Variants in GFRAL observed in about 807,000 individuals in gnomAD.
GFRAL encodes the protein GDNF family receptor alpha-like.
Under a neutral mutation model 45.4 loss-of-function variants are expected in GFRAL, and 36 were observed. The observed-to-expected ratio is 0.79, with a 90% CI of 0.61 to 1.05. The LOEUF is 1.05. GFRAL is among the 50% of genes least tolerant of loss of function. The pLI, the probability that GFRAL is intolerant of heterozygous loss-of-function variation, is 0.00. For missense variants in GFRAL, 507 were observed against 467.5 expected (o/e 1.08, Z -0.78); for synonymous variants, 166 against 154.1 (o/e 1.08, Z -0.57).
chr6:55,350,124 C>T lies in GFRAL; in HGVS notation c.349C>T (p.Leu117=). The T allele has an allele frequency of 6.5e-7, 1 of 1,537,512 alleles. No homozygotes were observed. The highest frequency in any genetic ancestry group is 9.0e-7 in the Non-Finnish European group (1 of 1,111,678). Residue 117 remains leucine (L), a synonymous_variant, in exon 4 of 9, where the codon CTA becomes TTA. Transcript: ENST00000340465. ...GAAAGAGGATAAATTCAAATGGAAT[C>T]TAACTACACGTTCCCATCATGGTAA... ...NVKEDKFKWN[L]TTRSHHGFKG...
At chr6:55,340,252 G>A (rs1012588049) in intron 3 of GFRAL, among the ~76,000 whole-genome samples, 1 of 152,074 alleles carries the variant, frequency 6.6e-6, no homozygotes, top group Admixed American at 6.5e-5. Flanking sequence ...CAACAAAATG[G>A]TTTTCTCTCC....
intron 6 of GFRAL, among the ~76,000 whole-genome samples, chr6:55,377,231 A>G (rs1006555084): frequency 2.0e-5 from 3 of 152,024 alleles, no homozygotes; most frequent in Non-Finnish European, 4.4e-5. Context: ...CCTGACTGCT[A>G]AGACAATTCT....
chr6:55,401,655 T>A, intron 8 of GFRAL, 135 bp from the exon 9 acceptor site: 1 of 656,406 alleles, frequency 1.5e-6, no homozygotes. Flanking sequence ...ATTTTACTAT[T>A]GGGACTTTAC....
chr6:55,379,761 T>G (rs1768582611), intron 6 of GFRAL, among the ~76,000 whole-genome samples: 1 of 151,902 alleles, frequency 6.6e-6, no homozygotes, highest in African/African-American at 2.4e-5. Context: ...TCTCCTGAAT[T>G]TTTTCTTCCT....
intron 6 of GFRAL, among the ~76,000 whole-genome samples, chr6:55,391,009 T>TA (rs202029722): frequency 3.9e-5 from 6 of 152,028 alleles, no homozygotes; most frequent in African/African-American, 7.2e-5. Flanking sequence ...TGAATCTTTA[T>TA]AAAAAAATAT....
At chr6:55,333,470 A>C (rs972148786) in intron 2 of GFRAL, among the ~76,000 whole-genome samples, 1 of 152,180 alleles carries the variant, frequency 6.6e-6, no homozygotes, top group Admixed American at 6.5e-5. Context: ...CAAAATGCTA[A>C]GATTAGAGAG....
intron 3 of GFRAL, among the ~76,000 whole-genome samples, chr6:55,344,174 C>G (rs950812622): frequency 6.6e-6 from 1 of 151,986 alleles, no homozygotes; most frequent in Non-Finnish European, 1.5e-5. Context: ...GGGAATGCTC[C>G]CTAACTCATT....
chr6:55,379,598 A>AC (rs1562062025), intron 6 of GFRAL, among the ~76,000 whole-genome samples: 43 of 47,566 alleles, frequency 9.0e-4, no homozygotes, highest in South Asian at 5.0e-3. Flanking sequence ...CACACACACA[A>AC]ACTGTGGAAT....
chr6:55,378,938 G>A (rs140261697), intron 6 of GFRAL, among the ~76,000 whole-genome samples: 64 of 151,962 alleles, frequency 4.2e-4, no homozygotes, highest in African/African-American at 1.5e-3. Context: ...TAACAGATCC[G>A]ATAATATCCA....
chr6:55,386,272 T>A (rs151132476), intron 6 of GFRAL, among the ~76,000 whole-genome samples: 2,039 of 152,246 alleles, frequency 0.013, 42 homozygotes, highest in African/African-American at 0.045. Flanking sequence ...CACGTTTCTT[T>A]GCTTCTAGTA....
chr6:55,346,348 A>T (rs183163009), intron 3 of GFRAL, among the ~76,000 whole-genome samples: 3,691 of 152,316 alleles, frequency 0.024, 117 homozygotes, highest in South Asian at 0.073. Flanking sequence ...ACACCATGAA[A>T]TACTATGCAG....
chr6:55,393,166 A>G (rs530178947), intron 6 of GFRAL, among the ~76,000 whole-genome samples: 24 of 152,296 alleles, frequency 1.6e-4, no homozygotes, highest in African/African-American at 5.8e-4. Flanking sequence ...ATTTAATCAC[A>G]TATATCCATG....
chr6:55,389,445 G>GTC (rs1768719989), intron 6 of GFRAL, among the ~76,000 whole-genome samples: 9 of 152,044 alleles, frequency 5.9e-5, no homozygotes, highest in Non-Finnish European at 1.5e-5. Flanking sequence ...ATACTAATGT[G>GTC]TAACCACTAG....
chr6:55,361,506 A>G (rs918373159), intron 6 of GFRAL, among the ~76,000 whole-genome samples: 1 of 151,756 alleles, frequency 6.6e-6, no homozygotes, highest in African/African-American at 2.4e-5. Context: ...ATATTTTATC[A>G]TTTTGCTGTT....
intron 3 of GFRAL, among the ~76,000 whole-genome samples, chr6:55,339,211 G>T (rs1254217524): frequency 6.6e-6 from 1 of 152,148 alleles, no homozygotes; most frequent in Non-Finnish European, 1.5e-5. Flanking sequence ...CAAGGGGATT[G>T]CTATACATTG....
At chr6:55,400,604 C>G (rs572969317) in intron 8 of GFRAL, among the ~76,000 whole-genome samples, 4 of 152,212 alleles carry the variant, frequency 2.6e-5, no homozygotes, top group African/African-American at 7.2e-5. Flanking sequence ...CCCAATCCCT[C>G]TAAGCATTTA....
At chr6:55,368,601 G>C (rs1768400754) in intron 6 of GFRAL, among the ~76,000 whole-genome samples, 1 of 152,024 alleles carries the variant, frequency 6.6e-6, no homozygotes, top group South Asian at 2.1e-4. Context: ...TGATGATGGT[G>C]ATGTACAGAT....
chr6:55,371,200 A>G (rs1431124656), intron 6 of GFRAL, among the ~76,000 whole-genome samples: 3 of 152,174 alleles, frequency 2.0e-5, no homozygotes, highest in African/African-American at 7.2e-5. Context: ...GTATGGCCCA[A>G]ATATTACAAT....
chr6:55,366,044 A>G (rs2127359242), intron 6 of GFRAL, among the ~76,000 whole-genome samples: 1 of 151,586 alleles, frequency 6.6e-6, no homozygotes, highest in Middle Eastern at 3.4e-3. Flanking sequence ...CCTCTGGTAG[A>G]ATTCGGCTGT....
Sources: gnomAD v4.1 joint callset for allele counts (sites outside exome capture counted in the v4.1 genomes callset) on GRCh38, gnomAD v4.1.1 for gene constraint, MANE v1.5 for transcripts, NCBI Gene and HGNC (gene_info 2026-07-23, HGNC 2026-07-21) for gene names.